Variants in GNL3L observed in about 807,000 individuals in gnomAD.
The protein encoded by GNL3L is G protein nucleolar 3 like, also known as guanine nucleotide-binding protein-like 3-like protein.
A neutral mutation model predicts 42.9 loss-of-function variants in GNL3L; 4 were observed. The ratio of observed to expected loss-of-function variants is 0.09; its 90% CI spans 0.05 to 0.21. The LOEUF (loss-of-function observed/expected upper bound fraction) is 0.21. Among genes scored for constraint, GNL3L ranks in the 10% least tolerant of loss-of-function variants. The pLI is 1.00. For synonymous variants in GNL3L, 159 were observed against 176.3 expected, an observed-to-expected ratio of 0.90 and a Z score of 0.78; for missense variants, 412 against 481.7, an observed-to-expected ratio of 0.86 and a Z score of 1.36.
At chrX:54,536,849 GGAAAGGAAA>G (rs1275819963) in intron 2 of GNL3L, among the ~76,000 whole-genome samples, 8 of 106,488 alleles carry the variant, frequency 7.5e-5, no homozygotes, top group African/African-American at 1.4e-4. Context: ...AAGGAAGGAA[GGAAAGGAAA>G]GAAAGGAAAG....
At chrX:54,587,921 T>C (rs1925808837) in intron 16 of GNL3L, among the ~76,000 whole-genome samples, 1 of 111,859 alleles carries the variant, frequency 8.9e-6, no homozygotes, top group Non-Finnish European at 1.9e-5. Flanking sequence ...CCTCAGGTGA[T>C]CCTTCTGCCT....
At chrX:54,541,200 C>T in intron 4 of GNL3L, 73 bp from the exon 5 acceptor site, 1 of 680,569 alleles carries the variant, frequency 1.5e-6, no homozygotes, top group East Asian at 3.2e-5. Context: ...ACCATTTCCT[C>T]TGTCTGTCAC....
chrX:54,543,137 G>A lies in GNL3L; in HGVS notation c.391-70G>A. The A allele has an allele frequency of 2.6e-6, 3 of 1,141,223 alleles. No individual in the cohort carries two copies. In the South Asian group the frequency reaches 5.5e-5, roughly 21 times the overall value. The allele number at this position is 1,141,223 out of a possible 1,213,427, so 94.0% of individuals were successfully genotyped here. On this transcript the variant is annotated intron_variant, in intron 6 of 15. Transcript: ENST00000360845. The stretch of plus-strand genomic sequence containing the variant: ...TTTCCTGACTGAGATGGAGATTTTT[G>A]TTTCACAGGCCTGCATCACTGCTAC...
chrX:54,551,610 G>A lies in GNL3L; in HGVS notation c.906G>A (p.Leu302=). Residue 302 remains leucine (L), a synonymous_variant, in exon 11 of 16, where the codon TTG becomes TTA. Coordinates refer to ENST00000360845, the MANE Select transcript of GNL3L (RefSeq NM_001184819.2). ...EVYLDKFIRL[L]DAPGIVPGPN... ...ACCTGGACAAGTTCATCCGGCTCTT[G>A]GATGCTCCAGGCATTGTCCCAGGGC... is the stretch of plus-strand genomic sequence containing the variant. 1.7e-6 allele frequency: 2 copies of A among 1,210,333 alleles called. No homozygotes were observed. The highest frequency in any genetic ancestry group is 2.2e-5 in the Admixed American group (1 of 46,007).
intron 16 of GNL3L, among the ~76,000 whole-genome samples, chrX:54,587,431 T>A (rs2147518529): frequency 9.0e-6 from 1 of 111,456 alleles, no homozygotes. Context: ...ATGTGGGAGC[T>A]CCAGTGTTGT....
At chrX:54,536,161 C>T (rs948263779) in intron 2 of GNL3L, among the ~76,000 whole-genome samples, 2 of 106,881 alleles carry the variant, frequency 1.9e-5, no homozygotes, top group African/African-American at 6.8e-5. Flanking sequence ...CTCCTGACCT[C>T]AAGTCAGGCA....
At chrX:54,532,625 A>G (rs1924286912) in intron 2 of GNL3L, 40 bp downstream of exon 2, 3 of 1,057,092 alleles carry the variant, frequency 2.8e-6, no homozygotes, top group South Asian at 1.9e-5. Flanking sequence ...CTGTGCTTTT[A>G]ATGAATATTC....
intron 9 of GNL3L, among the ~76,000 whole-genome samples, chrX:54,550,154 G>A (rs1924890309): frequency 9.2e-6 from 1 of 108,649 alleles, no homozygotes; most frequent in Non-Finnish European, 1.9e-5. Flanking sequence ...GAGACTGAGT[G>A]GGAGAGATAC....
intron 16 of GNL3L, among the ~76,000 whole-genome samples, chrX:54,618,439 G>A (rs1926247707): frequency 9.0e-6 from 1 of 111,572 alleles, no homozygotes; most frequent in Admixed American, 9.6e-5. Context: ...ACAGATCCAT[G>A]TTCTAGGTGA....
intron 16 of GNL3L, among the ~76,000 whole-genome samples, chrX:54,615,766 G>A (rs1926214230): frequency 3.8e-5 from 4 of 105,366 alleles, no homozygotes; most frequent in African/African-American, 1.4e-4. Context: ...GTGCTGTGGC[G>A]TGATCTCAGC....
At chrX:54,630,800 T>C in the GNL3L span, among the ~76,000 whole-genome samples, 1 of 98,864 alleles carries the variant, frequency 1.0e-5, no homozygotes, top group African/African-American at 3.9e-5. Flanking sequence ...TTCTTTCTTT[T>C]CTCTCTCTCT....
chrX:54,548,517 A>G lies in GNL3L; in HGVS notation c.775+144A>G, dbSNP rs1601981920. On this transcript the variant is annotated intron_variant, in intron 9 of 15. Coordinates refer to ENST00000360845, the MANE Select transcript of GNL3L (RefSeq NM_001184819.2). Reference sequence around the variant, plus strand: ...AAGGGTTTCGTGATTTGTAACTTGGATGGGTGGGCATCACTGCGTATTGAG... The same window carrying G: ...AAGGGTTTCGTGATTTGTAACTTGGGTGGGTGGGCATCACTGCGTATTGAG... 9 of 489,452 alleles carry G rather than the reference A, an allele frequency of 1.8e-5. No homozygotes were observed. In the South Asian group the frequency reaches 2.4e-4, roughly 13 times the overall value. 40.3% of individuals were successfully genotyped at this position (489,452 alleles called of 1,213,427 possible).
At chrX:54,594,770 A>G (rs1255744501) in intron 16 of GNL3L, among the ~76,000 whole-genome samples, 4 of 110,411 alleles carry the variant, frequency 3.6e-5, no homozygotes, top group African/African-American at 1.3e-4. Context: ...TTTTGTGTAT[A>G]CATTGTATGT....
chrX:54,630,527 A>G, the GNL3L span, among the ~76,000 whole-genome samples: 1 of 109,884 alleles, frequency 9.1e-6, no homozygotes, highest in African/African-American at 3.3e-5. Context: ...ATCATTTAGG[A>G]GCAGATTATT....
At chrX:54,531,414 G>A in intron 1 of GNL3L, among the ~76,000 whole-genome samples, 1 of 111,192 alleles carries the variant, frequency 9.0e-6, no homozygotes, top group Non-Finnish European at 1.9e-5. Context: ...CAAGGTAGTG[G>A]AGCTCAGATC....
At chrX:54,555,633 AT>A (rs759334820) in intron 14 of GNL3L, among the ~76,000 whole-genome samples, 148 of 66,377 alleles carry the variant, frequency 2.2e-3, no homozygotes, top group African/African-American at 6.0e-3. Flanking sequence ...ACCATGCCTA[AT>A]TTTTTTTTTT....
At chrX:54,575,767 G>A (rs773148361) in intron 16 of GNL3L, among the ~76,000 whole-genome samples, 7 of 110,783 alleles carry the variant, frequency 6.3e-5, no homozygotes, top group Middle Eastern at 4.6e-3. Flanking sequence ...AAAATTAGCC[G>A]GGCGTGGTGG....
the GNL3L span, among the ~76,000 whole-genome samples, chrX:54,630,327 C>T: frequency 9.2e-6 from 1 of 108,722 alleles, no homozygotes; most frequent in African/African-American, 3.4e-5. Context: ...TTCTGTAGTT[C>T]CTTGAGGTGT....
At chrX:54,543,732 A>G (rs2147479308) in intron 7 of GNL3L, among the ~76,000 whole-genome samples, 1 of 111,627 alleles carries the variant, frequency 9.0e-6, no homozygotes, top group East Asian at 2.8e-4. Flanking sequence ...CACCTCCAAG[A>G]GCTCCTGTTT....
Sources: allele counts gnomAD v4.1 joint callset (sites outside exome capture counted in the v4.1 genomes callset), GRCh38; gene constraint gnomAD v4.1.1; transcripts MANE v1.5; gene names NCBI Gene and HGNC (gene_info 2026-07-23, HGNC 2026-07-21).